The following RTL4 variants were observed in gnomAD, a reference collection of about 807,000 sequenced individuals.
RTL4 encodes the protein retrotransposon Gag like 4.
In RTL4, 4 loss-of-function variants were observed where a neutral mutation model predicts 5.3. The observed-to-expected ratio is 0.75, with a 90% CI of 0.37 to 1.72. The LOEUF is 1.72. Among genes scored for constraint, RTL4 ranks in the 40% most tolerant of loss-of-function variants. RTL4 has a pLI of 0.04. For synonymous variants in RTL4, 98 were observed against 87.3 expected (o/e 1.12, Z -0.68); for missense variants, 260 against 227.1 (o/e 1.14, Z -0.93).
the RTL4 span, among the ~76,000 whole-genome samples, chrX:112,134,981 CTAAG>C: frequency 8.9e-6 from 1 of 111,781 alleles, no homozygotes; most frequent in South Asian, 3.7e-4. Context: ...TTTCCAATGT[CTAAG>C]TATTACAAAT....
chrX:112,229,074 T>C, the RTL4 span, among the ~76,000 whole-genome samples: 1 of 111,919 alleles, frequency 8.9e-6, no homozygotes, highest in Non-Finnish European at 1.9e-5. Flanking sequence ...GGACTCAAGA[T>C]CATTAATCCT....
At chrX:112,278,888 A>C in the RTL4 span, among the ~76,000 whole-genome samples, 2 of 111,892 alleles carry the variant, frequency 1.8e-5, no homozygotes, top group African/African-American at 6.5e-5. Context: ...TGAATTTATG[A>C]AATGAGAAAA....
At chrX:112,436,231 A>C in the RTL4 span, among the ~76,000 whole-genome samples, 56 of 110,997 alleles carry the variant, frequency 5.0e-4, no homozygotes, top group South Asian at 1.9e-3. Flanking sequence ...CAAAACAAAA[A>C]AAAAAAACTA....
At chrX:112,236,555 A>AAT in the RTL4 span, among the ~76,000 whole-genome samples, 1 of 99,763 alleles carries the variant, frequency 1.0e-5, no homozygotes, top group African/African-American at 3.6e-5. Context: ...AGTTTGAATG[A>AAT]ATATATATAT....
the RTL4 span, among the ~76,000 whole-genome samples, chrX:112,351,084 T>C: frequency 2.7e-5 from 3 of 111,506 alleles, no homozygotes; most frequent in African/African-American, 9.8e-5. Flanking sequence ...TCTTGTTGGT[T>C]TCAAAGAACA....
At chrX:112,414,185 T>G in the RTL4 span, among the ~76,000 whole-genome samples, 1 of 111,364 alleles carries the variant, frequency 9.0e-6, no homozygotes, top group South Asian at 3.7e-4. Flanking sequence ...CACTTTTTTT[T>G]GTTGTTGGGT....
the RTL4 span, among the ~76,000 whole-genome samples, chrX:112,275,379 T>C: frequency 9.0e-6 from 1 of 111,250 alleles, no homozygotes; most frequent in Admixed American, 9.5e-5. Flanking sequence ...TAGAGTTAAC[T>C]GTTGTCTTTT....
the RTL4 span, among the ~76,000 whole-genome samples, chrX:112,251,630 A>ATGTG: frequency 2.1e-4 from 23 of 107,956 alleles, no homozygotes; most frequent in Middle Eastern, 4.7e-3. Context: ...ATAATATATT[A>ATGTG]TGTGTGTGTG....
At chrX:112,371,288 G>A in the RTL4 span, among the ~76,000 whole-genome samples, 1 of 111,209 alleles carries the variant, frequency 9.0e-6, no homozygotes, top group Non-Finnish European at 1.9e-5. Flanking sequence ...TCCTGTCAAT[G>A]TCACTCTTCA....
the RTL4 span, among the ~76,000 whole-genome samples, chrX:112,187,466 G>T: frequency 9.0e-6 from 1 of 111,418 alleles, no homozygotes; most frequent in Non-Finnish European, 1.9e-5. Flanking sequence ...GGGCACCGTG[G>T]TACAGAACCC....
the RTL4 span, among the ~76,000 whole-genome samples, chrX:112,250,066 G>A: frequency 3.6e-5 from 4 of 110,122 alleles, no homozygotes; most frequent in South Asian, 1.5e-3. Flanking sequence ...CATGAGGTCA[G>A]GAGATCGAGA....
chrX:112,088,801 C>T, the RTL4 span, among the ~76,000 whole-genome samples: 1 of 112,380 alleles, frequency 8.9e-6, no homozygotes, highest in Non-Finnish European at 1.9e-5. Context: ...TGCATTTCCT[C>T]AGTGACAAAA....
the RTL4 span, among the ~76,000 whole-genome samples, chrX:112,225,154 G>A: frequency 8.9e-6 from 1 of 111,830 alleles, no homozygotes; most frequent in South Asian, 3.7e-4. Flanking sequence ...TTTGATACCA[G>A]AGCTTGCCTG....
the RTL4 span, among the ~76,000 whole-genome samples, chrX:112,223,737 T>TA: frequency 3.7e-3 from 417 of 112,281 alleles, 4 homozygotes; most frequent in African/African-American, 0.013. Context: ...TGTCCCATGT[T>TA]AAAAACTCTA....
chrX:112,440,327 C>T, the RTL4 span, among the ~76,000 whole-genome samples: 8 of 111,335 alleles, frequency 7.2e-5, no homozygotes, highest in South Asian at 3.8e-4. Flanking sequence ...GTTTCTCTGG[C>T]GCAGCTCTGC....
At chrX:112,454,411 G>A (rs767566987), upstream of RTL4, 42 of 183,483 alleles carry the variant, frequency 2.3e-4, no homozygotes, top group Non-Finnish European at 4.0e-4. Context: ...AAGGAGGGAG[G>A]AGAGAAAGGT....
At chrX:112,266,321 C>T in the RTL4 span, among the ~76,000 whole-genome samples, 17 of 111,328 alleles carry the variant, frequency 1.5e-4, no homozygotes, top group Non-Finnish European at 2.6e-4. Context: ...AAACAAATAC[C>T]GGGCTGGCAG....
chrX:112,292,752 C>T, the RTL4 span, among the ~76,000 whole-genome samples: 36 of 111,454 alleles, frequency 3.2e-4, no homozygotes, highest in African/African-American at 1.1e-3. Context: ...TTTATCCCCT[C>T]AATGTGTAGA....
chrX:112,276,964 A>C, the RTL4 span, among the ~76,000 whole-genome samples: 2 of 112,394 alleles, frequency 1.8e-5, no homozygotes, highest in African/African-American at 3.2e-5. Context: ...ACAGACATTT[A>C]GTTTTGTCAA....
Sources: allele counts gnomAD v4.1 joint callset (sites outside exome capture counted in the v4.1 genomes callset), GRCh38; gene constraint gnomAD v4.1.1; transcripts MANE v1.5; gene names NCBI Gene and HGNC (gene_info 2026-07-23, HGNC 2026-07-21).